The following ACSF3 variants were observed in gnomAD, a reference collection of about 807,000 sequenced individuals.
ACSF3 encodes acyl-CoA synthetase family member 3, also known as malonate--CoA ligase ACSF3, mitochondrial.
A neutral mutation model predicts 53.2 loss-of-function variants in ACSF3; 78 were observed. That is an observed-to-expected ratio of 1.47 (90% CI 1.22 to 1.77). ACSF3 has a LOEUF of 1.77. ACSF3 is among the 40% of genes most tolerant of loss of function. ACSF3 has a pLI of 0.00. For missense variants in ACSF3, 937 were observed against 771.1 expected (o/e 1.22, Z -2.55); for synonymous variants, 414 against 333.1 (o/e 1.24, Z -2.65).
At position 89,100,873 on chromosome 16, in the gene ACSF3, C is replaced by A. The variant is rs770572252; in HGVS notation, c.192C>A (p.Gly64=). ...GDRIALVDQH[G]RHTYRELYSR... Reference sequence around the variant, plus strand: ...GAATCGCCCTGGTTGACCAGCACGGCCGCCACACGTACAGGGAGCTTTATT... The same window carrying A: ...GAATCGCCCTGGTTGACCAGCACGGACGCCACACGTACAGGGAGCTTTATT... Residue 64 remains glycine (G), a synonymous_variant, in exon 3 of 11, where the codon GGC becomes GGA. Coordinates refer to ENST00000614302, the MANE Select transcript of ACSF3 (RefSeq NM_001243279.3). 3 of 1,613,724 alleles carry A rather than the reference C, an allele frequency of 1.9e-6. No homozygotes were observed. Among genetic ancestry groups the A allele is most frequent in the Non-Finnish European group, 2.5e-6 (3 of 1,180,038 alleles).
intron 4 of ACSF3, among the ~76,000 whole-genome samples, chr16:89,110,534 C>A (rs1395299035): frequency 6.6e-6 from 1 of 152,236 alleles, no homozygotes; most frequent in East Asian, 1.9e-4. Flanking sequence ...TCTTACACAG[C>A]ATCACACTGT....
intron 7 of ACSF3, 136 bp from the exon 8 acceptor site, chr16:89,133,000 A>T (rs1909649992): frequency 7.6e-7 from 1 of 1,315,326 alleles, no homozygotes; most frequent in African/African-American, 1.4e-5. Context: ...AAGCATTCCA[A>T]CAAAGCGCTC....
chr16:89,118,743 CAG>C (rs1905846390), intron 6 of ACSF3, among the ~76,000 whole-genome samples: 1 of 152,230 alleles, frequency 6.6e-6, no homozygotes, highest in African/African-American at 2.4e-5. Context: ...GTGGCATTGA[CAG>C]GGAGCTCCAG....
intron 7 of ACSF3, among the ~76,000 whole-genome samples, chr16:89,132,209 G>A (rs1909480336): frequency 6.6e-6 from 1 of 152,262 alleles, no homozygotes; most frequent in South Asian, 2.1e-4. Context: ...CAGATGGCAG[G>A]TGATGAGCCT....
intron 10 of ACSF3, among the ~76,000 whole-genome samples, chr16:89,146,945 G>A (rs2151567440): frequency 6.6e-6 from 1 of 152,292 alleles, no homozygotes; most frequent in East Asian, 1.9e-4. Context: ...AGCTCAGAAA[G>A]GAAGCTTTTA....
intron 7 of ACSF3, among the ~76,000 whole-genome samples, chr16:89,132,565 C>T (rs1268228339): frequency 1.3e-5 from 2 of 152,240 alleles, no homozygotes; most frequent in African/African-American, 2.4e-5. Flanking sequence ...TAACAGGGGC[C>T]TCCAGGGACC....
Position 89,100,912 on chromosome 16 carries a change from C to T in ACSF3, c.231C>T (p.Arg77=), listed in dbSNP as rs1278084279. 1.2e-6 allele frequency: 2 copies of T among 1,613,880 alleles called. No individual in the cohort carries two copies. Among genetic ancestry groups the T allele is most frequent in the African/African-American group, 1.3e-5 (1 of 75,080 alleles). The change falls in exon 3 of 11, where the codon CGC becomes CGT. Residue 77 remains arginine, a synonymous_variant. Transcript: ENST00000614302. The part of the protein sequence containing the change: ...TYRELYSRSL[R]LSQEICRLCG... ...GGGAGCTTTATTCCCGCAGCCTTCG[C>T]CTGTCCCAGGAGATCTGCAGGCTCT... is the stretch of plus-strand genomic sequence containing the variant.
intron 4 of ACSF3, among the ~76,000 whole-genome samples, chr16:89,103,496 G>C (rs985521335): frequency 7.9e-5 from 12 of 152,232 alleles, no homozygotes; most frequent in African/African-American, 2.9e-4. Context: ...TCCGTAGTCA[G>C]GGCTCCCTCG....
chr16:89,142,062 C>T (rs551415492), intron 8 of ACSF3, among the ~76,000 whole-genome samples: 76 of 152,166 alleles, frequency 5.0e-4, no homozygotes, highest in African/African-American at 1.8e-3. Context: ...GGGAATGGCA[C>T]CATGTTGCGC....
chr16:89,102,667 C>T lies in ACSF3; in HGVS notation c.730C>T (p.Leu244=). 1 of 1,613,936 alleles carries T rather than the reference C, an allele frequency of 6.2e-7. No homozygotes were observed. The highest frequency in any genetic ancestry group is 8.5e-7 in the Non-Finnish European group (1 of 1,180,038). ...KDDVILHVLP[L]HHVHGVVNAL... is the part of the protein sequence containing the mutation. ...CGACGTGATCCTCCACGTGCTCCCG[C>T]TGCACCACGTCCATGGTGTGGTCAA... is the stretch of plus-strand genomic sequence containing the variant. The change falls in exon 4 of 11, where the codon CTG becomes TTG. Residue 244 remains leucine (L), a synonymous_variant. Coordinates refer to ENST00000614302, the MANE Select transcript of ACSF3 (RefSeq NM_001243279.3).
At chr16:89,149,944 G>A (rs935758121) in intron 10 of ACSF3, 4 of 152,230 alleles carry the variant, frequency 2.6e-5, no homozygotes, top group Admixed American at 2.0e-4. Flanking sequence ...ACTGCTTCCT[G>A]TTGCTTTCAT....
Position 89,114,331 on chromosome 16 carries a change from C to A in ACSF3, c.978-8C>A. ...GGGGCTAAACCTGCCTTTGGTTGTG[C>A]CGCGTAGGCTGATGGTCTCAGGCTC... is the stretch of plus-strand genomic sequence containing the variant. On this transcript the variant is annotated splice_region_variant and splice_polypyrimidine_tract_variant and intron_variant, in intron 5 of 10. Coordinates refer to ENST00000614302, the MANE Select transcript of ACSF3 (RefSeq NM_001243279.3). 6.2e-7 allele frequency: 1 copy of A among 1,613,890 alleles called. No homozygotes were observed. Among genetic ancestry groups the A allele is most frequent in the Non-Finnish European group, 8.5e-7 (1 of 1,180,022 alleles).
intron 4 of ACSF3, among the ~76,000 whole-genome samples, chr16:89,106,606 T>G (rs1365926330): frequency 6.6e-6 from 1 of 152,228 alleles, no homozygotes; most frequent in Non-Finnish European, 1.5e-5. Context: ...ACTTAATATT[T>G]AAACAAATTT....
chr16:89,140,038 C>T (rs1318111625), intron 8 of ACSF3, among the ~76,000 whole-genome samples: 5 of 152,194 alleles, frequency 3.3e-5, no homozygotes, highest in African/African-American at 7.2e-5. Context: ...GGTCTCAGGC[C>T]GTCACTGGGA....
At chr16:89,121,396 G>T (rs1045155208) in intron 7 of ACSF3, among the ~76,000 whole-genome samples, 2 of 152,204 alleles carry the variant, frequency 1.3e-5, no homozygotes, top group Admixed American at 1.3e-4. Flanking sequence ...GCACGCGGAG[G>T]TGGGTGCCTG....
At chr16:89,096,014 G>C (rs1418590501) in intron 1 of ACSF3, among the ~76,000 whole-genome samples, 2 of 152,142 alleles carry the variant, frequency 1.3e-5, no homozygotes, top group Non-Finnish European at 2.9e-5. Flanking sequence ...TGCCTTAGTG[G>C]TCTGATCTCA....
In ACSF3 at chr16:89,111,949, A is replaced by G. The variant is rs1219341182; in HGVS notation, c.823-143A>G. 1.4e-5 allele frequency: 7 copies of G among 497,964 alleles called. No homozygotes were observed. In the Admixed American group the frequency reaches 1.6e-4, roughly 12 times the overall value. 30.8% of individuals were successfully genotyped at this position (497,964 alleles called of 1,614,324 possible). On this transcript the variant is annotated intron_variant, in intron 4 of 10. Coordinates refer to ENST00000614302, the MANE Select transcript of ACSF3 (RefSeq NM_001243279.3). ...CATGGCTTCTGTGGGAAGGGGTCAG[A>G]GTTTGAGGCACCCCTTTTAGAAGGG...
chr16:89,137,033 G>T (rs960912302), intron 8 of ACSF3, among the ~76,000 whole-genome samples: 2 of 152,222 alleles, frequency 1.3e-5, no homozygotes, highest in Non-Finnish European at 1.5e-5. Context: ...CCTGGGGCGA[G>T]TGGAAGGTGA....
chr16:89,142,787 G>A (rs533173840), intron 8 of ACSF3, among the ~76,000 whole-genome samples: 16 of 148,236 alleles, frequency 1.1e-4, no homozygotes, highest in African/African-American at 3.0e-4. Context: ...ACCCACACCT[G>A]CAGACACACC....
Sources: allele counts gnomAD v4.1 joint callset (sites outside exome capture counted in the v4.1 genomes callset), GRCh38; gene constraint gnomAD v4.1.1; transcripts MANE v1.5; gene names NCBI Gene and HGNC (gene_info 2026-07-23, HGNC 2026-07-21).